Variants in FAM120A observed in about 807,000 individuals in gnomAD.
FAM120A encodes the protein constitutive coactivator of PPAR-gamma-like protein 1.
In FAM120A, 15 loss-of-function variants were observed where a neutral mutation model predicts 109.7. The observed-to-expected ratio is 0.14, with a 90% confidence interval of 0.09 to 0.21. The LOEUF (loss-of-function observed/expected upper bound fraction) is 0.21. Among genes scored for constraint, FAM120A ranks in the 10% least tolerant of loss-of-function variants. The pLI is 1.00. For missense variants in FAM120A, 899 were observed against 1,439.3 expected, an observed-to-expected ratio of 0.62 and a Z score of 6.07; for synonymous variants, 493 against 572.8, an observed-to-expected ratio of 0.86 and a Z score of 1.99.
At chr9:93,475,267 T>A (rs1858499283) in intron 2 of FAM120A, among the ~76,000 whole-genome samples, 1 of 152,218 alleles carries the variant, frequency 6.6e-6, no homozygotes, top group Admixed American at 6.5e-5. Context: ...CTGTGACCCA[T>A]CTTATGAGCA....
chr9:93,501,172 G>C (rs925748859), intron 5 of FAM120A, among the ~76,000 whole-genome samples: 4 of 152,224 alleles, frequency 2.6e-5, no homozygotes, highest in African/African-American at 9.6e-5. Context: ...CTGTGGGACA[G>C]TCTGTATGGC....
At chr9:93,547,596 G>A (rs1421437568) in intron 11 of FAM120A, among the ~76,000 whole-genome samples, 1 of 152,200 alleles carries the variant, frequency 6.6e-6, no homozygotes, top group Non-Finnish European at 1.5e-5. Flanking sequence ...TGGGAAGTTA[G>A]ACAACTCCCT....
chr9:93,505,460 A>G (rs545877402), intron 5 of FAM120A, among the ~76,000 whole-genome samples: 4 of 152,340 alleles, frequency 2.6e-5, no homozygotes, highest in African/African-American at 4.8e-5. Context: ...ACTGCAAATA[A>G]TAATCTTCCA....
intron 7 of FAM120A, among the ~76,000 whole-genome samples, 181 bp downstream of exon 7, chr9:93,516,450 T>C (rs1860591609): frequency 6.6e-6 from 1 of 152,196 alleles, no homozygotes; most frequent in Non-Finnish European, 1.5e-5. Flanking sequence ...AGAGTAGGTA[T>C]GTTCTTGAAG....
intron 5 of FAM120A, among the ~76,000 whole-genome samples, chr9:93,502,286 A>T (rs554737014): frequency 3.3e-5 from 5 of 152,172 alleles, no homozygotes; most frequent in Non-Finnish European, 7.3e-5. Context: ...TAGGGGAAAA[A>T]CATGGGGTGA....
rs761660271 is a variant in FAM120A, at chr9:93,498,071, G to A, written c.933+472G>A. On this transcript the variant is annotated intron_variant, in intron 4 of 17. Coordinates refer to ENST00000277165, the MANE Select transcript of FAM120A (RefSeq NM_014612.5). The surrounding 1 kb of genome is among the most constrained non-coding windows in gnomAD (Gnocchi z 4.4). Reference sequence around the variant, plus strand: ...AGTTGGCATCAGTAGAATAGGCAAGGCTCTGTGAAACTCCTGCTGTGTCTC... The same window carrying A: ...AGTTGGCATCAGTAGAATAGGCAAGACTCTGTGAAACTCCTGCTGTGTCTC... Among the ~76,000 whole-genome samples the A allele has an allele frequency of 7.9e-5, 12 of 152,146 alleles. No homozygotes were observed. Among genetic ancestry groups the A allele is most frequent in the Non-Finnish European group, 1.3e-4 (9 of 68,022 alleles).
chr9:93,518,060 C>G (rs541073823), intron 7 of FAM120A, among the ~76,000 whole-genome samples: 1 of 152,088 alleles, frequency 6.6e-6, no homozygotes, highest in East Asian at 1.9e-4. Context: ...TTGACCTGCT[C>G]GGGGTCTTGT....
In FAM120A at chr9:93,452,236, G is replaced by A. The variant is rs1857270901; in HGVS notation, c.321G>A (p.Glu107=). The A allele has an allele frequency of 6.2e-7, 1 of 1,611,572 alleles. No homozygotes were observed. Among genetic ancestry groups the A allele is most frequent in the East Asian group, 2.2e-5 (1 of 44,822 alleles). The change falls in exon 1 of 18, where the codon GAG becomes GAA. Residue 107 remains glutamate (E), a synonymous_variant. Coordinates refer to ENST00000277165, the MANE Select transcript of FAM120A (RefSeq NM_014612.5). This position sits in a 1 kb window ranked among gnomAD's most constrained non-coding sequence, Gnocchi z 7.0. ...CGCTCGAGAAGGCCCGGCTGCACGA[G>A]TGGGTCAAGCGGCAGGGCAACGAGC... is the stretch of plus-strand genomic sequence containing the variant. ...NGALEKARLH[E]WVKRQGNERQ...
At position 93,471,208 on chromosome 9, in the gene FAM120A, G is replaced by C. The variant is rs1171889459; in HGVS notation, c.542G>C (p.Gly181Ala). Residue 181 changes from glycine (G) to alanine (A), a missense_variant, in exon 2 of 18, where the codon GGC becomes GCC. Transcript: ENST00000277165. ...IGFCRENGFH[G>A]LVAYDSDYAL... ...TTCTGCAGAGAGAATGGTTTCCATGGCTTGGTTGCGTATGACTCTGATTAT... is the reference window on the plus strand; with the variant it reads ...TTCTGCAGAGAGAATGGTTTCCATGCCTTGGTTGCGTATGACTCTGATTAT... 6.2e-7 allele frequency: 1 copy of C among 1,614,000 alleles called. No homozygotes were observed. Among genetic ancestry groups the C allele is most frequent in the East Asian group, 2.2e-5 (1 of 44,902 alleles).
chr9:93,509,049 C>T (rs866359843), intron 5 of FAM120A, among the ~76,000 whole-genome samples: 1 of 152,366 alleles, frequency 6.6e-6, no homozygotes, highest in African/African-American at 2.4e-5. Context: ...GAGGTCTGAA[C>T]AGAGCCCACT....
intron 5 of FAM120A, among the ~76,000 whole-genome samples, chr9:93,509,202 C>T (rs1588859483): frequency 6.6e-6 from 1 of 152,374 alleles, no homozygotes; most frequent in East Asian, 1.9e-4. Flanking sequence ...CACACTGCCC[C>T]AGGCCATGCC....
chr9:93,562,963 C>A (rs111396746), intron 17 of FAM120A, among the ~76,000 whole-genome samples: 1 of 152,124 alleles, frequency 6.6e-6, no homozygotes, highest in Non-Finnish European at 1.5e-5. Context: ...CCATGCCCAG[C>A]GGTCCTGCTA....
chr9:93,517,096 C>T (rs1199690048), intron 7 of FAM120A, among the ~76,000 whole-genome samples: 2 of 152,136 alleles, frequency 1.3e-5, no homozygotes, highest in Non-Finnish European at 2.9e-5. Context: ...TCACCTGAAG[C>T]AGGTGATCTT....
intron 1 of FAM120A, among the ~76,000 whole-genome samples, chr9:93,467,483 G>C (rs1225094978): frequency 6.6e-6 from 1 of 152,052 alleles, no homozygotes; most frequent in Non-Finnish European, 1.5e-5. Flanking sequence ...TGGCAGGTTG[G>C]GTATCTGGGG....
At chr9:93,453,343 C>T (rs948889353) in intron 1 of FAM120A, 5 of 985,646 alleles carry the variant, frequency 5.1e-6, no homozygotes, top group Middle Eastern at 5.2e-4. Context: ...CAGGACCCAG[C>T]AGTGACTGTG....
At chr9:93,560,105 C>T (rs971845461) in intron 15 of FAM120A, among the ~76,000 whole-genome samples, 1 of 151,982 alleles carries the variant, frequency 6.6e-6, no homozygotes, top group African/African-American at 2.4e-5. Context: ...CCAGCCTGGG[C>T]AATATAGTGA....
At chr9:93,457,060 C>G (rs1857580192) in intron 1 of FAM120A, among the ~76,000 whole-genome samples, 1 of 152,150 alleles carries the variant, frequency 6.6e-6, no homozygotes, top group Admixed American at 6.5e-5. Context: ...TAGATTGTGT[C>G]AGAATTTCCT....
intron 5 of FAM120A, among the ~76,000 whole-genome samples, chr9:93,509,838 G>C (rs1254937247): frequency 1.3e-5 from 2 of 151,986 alleles, no homozygotes; most frequent in Admixed American, 6.6e-5. Context: ...GATGCTTCAG[G>C]CTTTTCTAAA....
intron 2 of FAM120A, among the ~76,000 whole-genome samples, chr9:93,473,625 T>C (rs575724333): frequency 1.3e-5 from 2 of 152,222 alleles, no homozygotes; most frequent in Non-Finnish European, 1.5e-5. Flanking sequence ...TAATTTTTTA[T>C]ATGTTATTTT....
Sources: gnomAD v4.1 joint callset for allele counts (sites outside exome capture counted in the v4.1 genomes callset) on GRCh38, gnomAD v4.1.1 for gene constraint, Gnocchi (gnomAD v3.1) non-coding constraint, MANE v1.5 for transcripts, NCBI Gene and HGNC (gene_info 2026-07-23, HGNC 2026-07-21) for gene names.